The following CYP19A1 variants were observed in gnomAD, a reference collection of about 807,000 sequenced individuals.
CYP19A1 encodes the protein cytochrome P450 family 19 subfamily A member 1.
Under a neutral mutation model 44.4 loss-of-function variants are expected in CYP19A1, and 32 were observed. That is an observed-to-expected ratio of 0.72 (90% CI 0.54 to 0.97). The LOEUF is 0.97. CYP19A1 is among the 50% of genes least tolerant of loss of function. The pLI is 0.00. For missense variants in CYP19A1, 598 were observed against 637.8 expected (o/e 0.94, Z 0.67); for synonymous variants, 212 against 215.6 (o/e 0.98, Z 0.14).
intron 1 of CYP19A1, among the ~76,000 whole-genome samples, chr15:51,246,212 T>TGCAC (rs137915675): frequency 0.02 from 3,107 of 152,174 alleles, 140 homozygotes; most frequent in African/African-American, 0.072. Context: ...TCCTAGAACT[T>TGCAC]GCACAGAGGT....
At chr15:51,246,966 C>T (rs781328332) in intron 1 of CYP19A1, among the ~76,000 whole-genome samples, 1 of 152,264 alleles carries the variant, frequency 6.6e-6, no homozygotes, top group South Asian at 2.1e-4. Flanking sequence ...TCTGCCTGAT[C>T]GCACCAAAAC....
chr15:51,285,840 C>T (rs2035679600), intron 1 of CYP19A1, among the ~76,000 whole-genome samples: 1 of 152,196 alleles, frequency 6.6e-6, no homozygotes, highest in Non-Finnish European at 1.5e-5. Flanking sequence ...TCCGTTTTCT[C>T]TCTCAAACTG....
intron 1 of CYP19A1, among the ~76,000 whole-genome samples, chr15:51,261,844 A>C (rs1389957683): frequency 6.6e-6 from 1 of 152,152 alleles, no homozygotes; most frequent in African/African-American, 2.4e-5. Context: ...CCGATGGGTG[A>C]AGCAGTAGAG....
intron 1 of CYP19A1, among the ~76,000 whole-genome samples, chr15:51,325,547 T>C (rs753463102): frequency 1.4e-4 from 22 of 152,132 alleles, no homozygotes; most frequent in Non-Finnish European, 2.8e-4. Context: ...TATTGAAAAG[T>C]TGAAAGTGCA....
chr15:51,234,351 T>A (rs187017319), intron 3 of CYP19A1, among the ~76,000 whole-genome samples: 70 of 152,124 alleles, frequency 4.6e-4, no homozygotes, highest in Non-Finnish European at 8.5e-4. Context: ...CTGATGGTAG[T>A]GTGGGTGGGT....
intron 1 of CYP19A1, among the ~76,000 whole-genome samples, chr15:51,263,840 C>T (rs1409171872): frequency 6.6e-6 from 1 of 152,200 alleles, no homozygotes; most frequent in African/African-American, 2.4e-5. Flanking sequence ...TAGAAAAGCA[C>T]AGTAAACCTG....
chr15:51,235,917 T>C (rs1315337748), intron 3 of CYP19A1, among the ~76,000 whole-genome samples: 1 of 152,380 alleles, frequency 6.6e-6, no homozygotes, highest in East Asian at 1.9e-4. Flanking sequence ...CAGATAGCTT[T>C]GCTAAAAGTC....
At chr15:51,288,482 G>A (rs902885932) in intron 1 of CYP19A1, among the ~76,000 whole-genome samples, 4 of 152,118 alleles carry the variant, frequency 2.6e-5, no homozygotes, top group East Asian at 1.9e-4. Flanking sequence ...TTTCACCACC[G>A]CGTTCCTGCT....
At chr15:51,256,931 G>A (rs975909130) in intron 1 of CYP19A1, among the ~76,000 whole-genome samples, 1 of 152,206 alleles carries the variant, frequency 6.6e-6, no homozygotes, top group African/African-American at 2.4e-5. Flanking sequence ...AGTGGGTAAG[G>A]AATCATGGGC....
chr15:51,230,345 G>T (rs2032930721), intron 3 of CYP19A1, among the ~76,000 whole-genome samples: 1 of 152,268 alleles, frequency 6.6e-6, no homozygotes, highest in East Asian at 1.9e-4. Context: ...GCACTGAGGA[G>T]AGTCCAGCTG....
At chr15:51,236,759 T>G in intron 3 of CYP19A1, 100 bp downstream of exon 3, 1 of 1,412,950 alleles carries the variant, frequency 7.1e-7, no homozygotes, top group African/African-American at 1.4e-5. Flanking sequence ...AAATATAGCG[T>G]TAGAAACAAA....
intron 1 of CYP19A1, chr15:51,280,033 C>T (rs548726885): frequency 6.6e-6 from 1 of 152,180 alleles, no homozygotes; most frequent in Non-Finnish European, 1.5e-5. Flanking sequence ...ATCCTAGACC[C>T]CATGTGACTG....
At chr15:51,236,768 A>G (rs1472035387) in intron 3 of CYP19A1, 91 bp downstream of exon 3, 2 of 1,471,954 alleles carry the variant, frequency 1.4e-6, no homozygotes, top group Non-Finnish European at 1.9e-6. Flanking sequence ...GTTAGAAACA[A>G]AGACATCAAG....
At chr15:51,298,767 C>G (rs899875639) in intron 1 of CYP19A1, among the ~76,000 whole-genome samples, 14 of 152,266 alleles carry the variant, frequency 9.2e-5, no homozygotes, top group Admixed American at 3.9e-4. Context: ...AATAGCTCAA[C>G]TGCTGCTGAT....
intron 1 of CYP19A1, among the ~76,000 whole-genome samples, chr15:51,290,032 A>T (rs371905457): frequency 7.2e-5 from 11 of 152,104 alleles, no homozygotes; most frequent in East Asian, 5.8e-4. Context: ...GAGTTGCAAA[A>T]CCATCTTTTG....
chr15:51,256,295 T>C (rs1343535229), intron 1 of CYP19A1, among the ~76,000 whole-genome samples: 1 of 152,198 alleles, frequency 6.6e-6, no homozygotes, highest in Non-Finnish European at 1.5e-5. Flanking sequence ...ATGGAAACTA[T>C]ACAAGATTCC....
chr15:51,308,565 G>C (rs1450345230), intron 1 of CYP19A1, among the ~76,000 whole-genome samples: 1 of 152,010 alleles, frequency 6.6e-6, no homozygotes, highest in African/African-American at 2.4e-5. Context: ...CAGTGGTAAG[G>C]TCTCCTTTCC....
chr15:51,328,113 A>G (rs2141028149), intron 1 of CYP19A1, among the ~76,000 whole-genome samples: 1 of 152,326 alleles, frequency 6.6e-6, no homozygotes. Flanking sequence ...TGTGATTACC[A>G]TTGCCATTTG....
chr15:51,294,446 C>T (rs1294014190), intron 1 of CYP19A1, among the ~76,000 whole-genome samples: 3 of 148,396 alleles, frequency 2.0e-5, no homozygotes, highest in South Asian at 2.1e-4. Flanking sequence ...GCAACCGCCC[C>T]GTCTGAGAAG....
Sources: allele counts gnomAD v4.1 joint callset (sites outside exome capture counted in the v4.1 genomes callset), GRCh38; gene constraint gnomAD v4.1.1; transcripts MANE v1.5; gene names NCBI Gene and HGNC (gene_info 2026-07-23, HGNC 2026-07-21).